The following KIAA0513 variants were observed in gnomAD, a reference collection of about 807,000 sequenced individuals.
KIAA0513 encodes the protein KIAA0513, also known as uncharacterized protein KIAA0513.
A neutral mutation model predicts 56.5 loss-of-function variants in KIAA0513; 39 were observed. The observed-to-expected ratio is 0.69, with a 90% CI of 0.53 to 0.90. The LOEUF (loss-of-function observed/expected upper bound fraction) is 0.90. Among genes scored for constraint, KIAA0513 ranks in the 40% least tolerant of loss-of-function variants. The probability of loss-of-function intolerance (pLI) is 0.00; values close to 1 mark genes in which losing one functional copy is unlikely to be tolerated. For synonymous variants in KIAA0513, 268 were observed against 215.6 expected, an observed-to-expected ratio of 1.24 and a Z score of -2.13; for missense variants, 591 against 535.2, an observed-to-expected ratio of 1.10 and a Z score of -1.03.
Position 85,077,511 on chromosome 16 carries a change from G to A in KIAA0513, c.661G>A (p.Ala221Thr). 6.2e-7 allele frequency: 1 copy of A among 1,614,196 alleles called. No individual in the cohort carries two copies. The highest frequency in any genetic ancestry group is 8.5e-7 in the Non-Finnish European group (1 of 1,180,032). ...SYLKSANSWL[A>T]EKKDIAERLL... is the part of the protein sequence containing the mutation. ...CCTGAAATCCGCAAACAGCTGGCTG[G>A]CCGAAAAGAAGGACATCGCCGAGCG... Residue 221 changes from alanine (A) to threonine (T), a missense_variant, in exon 6 of 13, where the codon GCC becomes ACC. Physicochemically the swap from Ala to Thr is moderately conservative, Grantham distance 58. Transcript: ENST00000683363.
intron 1 of KIAA0513, among the ~76,000 whole-genome samples, chr16:85,035,157 T>A (rs369617403): frequency 6.6e-6 from 1 of 152,194 alleles, no homozygotes. Context: ...AGCATGGCCA[T>A]GGTGGTGCTG....
chr16:85,073,953 TTTTG>T (rs960986459), intron 4 of KIAA0513, among the ~76,000 whole-genome samples: 7 of 151,556 alleles, frequency 4.6e-5, no homozygotes, highest in African/African-American at 1.2e-4. Context: ...GTGTCGTTTT[TTTTG>T]TTTTGTTTTG....
chr16:85,030,936 G>C (rs144609229), intron 1 of KIAA0513, among the ~76,000 whole-genome samples: 1 of 152,090 alleles, frequency 6.6e-6, no homozygotes, highest in Non-Finnish European at 1.5e-5. Context: ...CCCAGCACAC[G>C]AACAGAAGTG....
At chr16:85,080,341 T>C (rs1301675417) in intron 8 of KIAA0513, among the ~76,000 whole-genome samples, 1 of 152,248 alleles carries the variant, frequency 6.6e-6, no homozygotes, top group African/African-American at 2.4e-5. Context: ...TGGTCTCTGC[T>C]GCAGCCACAC....
chr16:85,068,763 G>T (rs914889189), intron 2 of KIAA0513, among the ~76,000 whole-genome samples: 2 of 152,172 alleles, frequency 1.3e-5, no homozygotes, highest in African/African-American at 4.8e-5. Context: ...CACCGTGCCC[G>T]GCCATCCATG....
chr16:85,085,984 T>A (rs2073803299), intron 10 of KIAA0513, among the ~76,000 whole-genome samples: 1 of 152,076 alleles, frequency 6.6e-6, no homozygotes, highest in East Asian at 1.9e-4. Context: ...CTGGTCTGTG[T>A]TATTTAGGGA....
intron 1 of KIAA0513, among the ~76,000 whole-genome samples, chr16:85,044,311 C>T (rs72803568): frequency 0.04 from 6,157 of 152,134 alleles, 135 homozygotes; most frequent in Non-Finnish European, 0.052. Flanking sequence ...GAAGGCATGT[C>T]GAGTGTCCCC....
At chr16:85,085,607 C>T (rs2073799324) in intron 10 of KIAA0513, among the ~76,000 whole-genome samples, 1 of 152,168 alleles carries the variant, frequency 6.6e-6, no homozygotes, top group African/African-American at 2.4e-5. Flanking sequence ...ACGTGGTGTC[C>T]AGGGAGTTGT....
intron 10 of KIAA0513, among the ~76,000 whole-genome samples, chr16:85,085,136 G>T (rs566558766): frequency 1.3e-5 from 2 of 152,366 alleles, no homozygotes; most frequent in East Asian, 3.9e-4. Context: ...GGGTGCGGGG[G>T]TTTATGTGTC....
intron 4 of KIAA0513, among the ~76,000 whole-genome samples, chr16:85,075,415 C>T (rs1045689057): frequency 3.3e-5 from 5 of 152,178 alleles, no homozygotes; most frequent in African/African-American, 1.2e-4. Flanking sequence ...ACTGCGAATG[C>T]TGTGGGCGGG....
chr16:85,078,587 G>C, intron 7 of KIAA0513, 132 bp downstream of exon 7: 14 of 819,166 alleles, frequency 1.7e-5, no homozygotes, highest in Non-Finnish European at 2.7e-5. Flanking sequence ...TGATGCCCCA[G>C]TTGCTTCCCA....
chr16:85,064,005 C>CTTTTT, intron 1 of KIAA0513, among the ~76,000 whole-genome samples: 2 of 124,890 alleles, frequency 1.6e-5, no homozygotes, highest in Non-Finnish European at 3.3e-5. Flanking sequence ...TATTTATTTA[C>CTTTTT]TTTTTTTTTT....
At position 85,089,454 on chromosome 16, in the gene KIAA0513, C is replaced by G. The variant is rs537032067; in HGVS notation, c.*1129C>G. 2 of 152,672 alleles carry G rather than the reference C, an allele frequency of 1.3e-5. No homozygotes were observed. Among genetic ancestry groups the G allele is most frequent in the Non-Finnish European group, 2.9e-5 (2 of 68,384 alleles). 9.5% of individuals were successfully genotyped at this position (152,672 alleles called of 1,614,324 possible). ...ACTGCCTGGGAACCACGGCCCTTCT[C>G]TTCTGTGGGTCTGTACCAGGTACTC... On this transcript the variant is annotated 3_prime_UTR_variant, in exon 13 of 13. Transcript: ENST00000683363. This position sits in a 1 kb window ranked among gnomAD's most constrained non-coding sequence, Gnocchi z 4.2.
Position 85,067,145 on chromosome 16 carries a change from A to G in KIAA0513, c.74A>G (p.Glu25Gly). ...GAGGCACCCACCTCTTCTCCCCTGGAGGCACCACCCCCTGTGCTGCAGGAC... is the reference window on the plus strand; with the variant it reads ...GAGGCACCCACCTCTTCTCCCCTGGGGGCACCACCCCCTGTGCTGCAGGAC... ...GPEAPTSSPL[E>G]APPPVLQDGD... The change falls in exon 2 of 13, where the codon GAG becomes GGG. Residue 25 changes from glutamate to glycine, a missense_variant. By Grantham distance (98) the Glu-to-Gly change is moderately conservative. Coordinates refer to ENST00000683363, the MANE Select transcript of KIAA0513 (RefSeq NM_001388359.1). 1 of 1,613,834 alleles carries G rather than the reference A, an allele frequency of 6.2e-7. No homozygotes were observed. Among genetic ancestry groups the G allele is most frequent in the Non-Finnish European group, 8.5e-7 (1 of 1,179,888 alleles).
chr16:85,075,211 A>G (rs1472118917), intron 4 of KIAA0513, among the ~76,000 whole-genome samples: 1 of 150,954 alleles, frequency 6.6e-6, no homozygotes. Context: ...AAAGATAAAA[A>G]TGGCCTTTAA....
At chr16:85,029,929 G>C (rs1289223548) in intron 1 of KIAA0513, among the ~76,000 whole-genome samples, 1 of 152,208 alleles carries the variant, frequency 6.6e-6, no homozygotes, top group Non-Finnish European at 1.5e-5. Flanking sequence ...GACTTGCCCA[G>C]GGTCTCTTTG....
rs570763587 is a variant in KIAA0513, at chr16:85,093,843, A to G, written c.*5518A>G. 2.6e-4 allele frequency: 39 copies of G among 152,352 alleles called. No individual in the cohort carries two copies. Among genetic ancestry groups the G allele is most frequent in the African/African-American group, 7.2e-4 (30 of 41,558 alleles). 9.4% of individuals were successfully genotyped at this position (152,352 alleles called of 1,614,324 possible). On this transcript the variant is annotated 3_prime_UTR_variant, in exon 13 of 13. Coordinates refer to ENST00000683363, the MANE Select transcript of KIAA0513 (RefSeq NM_001388359.1). ...AGACAACACACATGGATCCCCTTAA[A>G]ACATGTAAATGTGTCAGAACACGGT...
At chr16:85,060,360 C>A (rs2073386589) in intron 1 of KIAA0513, among the ~76,000 whole-genome samples, 3 of 152,124 alleles carry the variant, frequency 2.0e-5, no homozygotes, top group Admixed American at 1.3e-4. Flanking sequence ...GTACTTTAGT[C>A]AGCGGTGGAG....
At chr16:85,087,920 G>C (rs1013791937) in intron 12 of KIAA0513, among the ~76,000 whole-genome samples, 1 of 152,202 alleles carries the variant, frequency 6.6e-6, no homozygotes, top group South Asian at 2.1e-4. Context: ...CACCTCTCCC[G>C]CTCCCCAGGT....
Sources: gnomAD v4.1 joint callset for allele counts (sites outside exome capture counted in the v4.1 genomes callset) on GRCh38, gnomAD v4.1.1 for gene constraint, Gnocchi (gnomAD v3.1) non-coding constraint, MANE v1.5 for transcripts, NCBI Gene and HGNC (gene_info 2026-07-23, HGNC 2026-07-21) for gene names.